NCK2: variants seen among roughly 807,000 people sequenced by gnomAD.
NCK2 encodes the protein cytoplasmic protein NCK2.
A neutral mutation model predicts 33.9 loss-of-function variants in NCK2; 16 were observed. The ratio of observed to expected loss-of-function variants is 0.47; its 90% confidence interval spans 0.32 to 0.72. NCK2 has a LOEUF of 0.72. Ranked by LOEUF, NCK2 falls within the 30% of genes least tolerant of loss-of-function variation. NCK2 has a pLI of 0.03. For missense variants in NCK2, 418 were observed against 537.3 expected (o/e 0.78, Z 2.19); for synonymous variants, 273 against 239.9 (o/e 1.14, Z -1.27).
chr2:105,831,410 C>CTTTTTTT (rs56247904), intron 2 of NCK2, among the ~76,000 whole-genome samples: 2 of 144,846 alleles, frequency 1.4e-5, no homozygotes, highest in Admixed American at 6.9e-5. Context: ...AGCATGATAT[C>CTTTTTTT]TTTTTTTTTT....
At chr2:105,880,977 G>A (rs1051624102) in intron 3 of NCK2, among the ~76,000 whole-genome samples, 3 of 122,164 alleles carry the variant, frequency 2.5e-5, no homozygotes, top group Non-Finnish European at 3.3e-5. Flanking sequence ...TTGCAGACAC[G>A]GTCTCGCTAT....
chr2:105,815,525 G>A (rs2104480514), intron 1 of NCK2, among the ~76,000 whole-genome samples: 1 of 152,288 alleles, frequency 6.6e-6, no homozygotes, highest in East Asian at 1.9e-4. Context: ...GAGTGCTCCA[G>A]GGTCCCCTCG....
At chr2:105,825,363 C>A (rs564973503) in intron 2 of NCK2, among the ~76,000 whole-genome samples, 1 of 152,186 alleles carries the variant, frequency 6.6e-6, no homozygotes, top group South Asian at 2.1e-4. Flanking sequence ...AAATCCCATT[C>A]CGTTACTAGT....
chr2:105,874,646 G>C (rs1473005724), intron 3 of NCK2, among the ~76,000 whole-genome samples: 1 of 152,192 alleles, frequency 6.6e-6, no homozygotes, highest in Non-Finnish European at 1.5e-5. Context: ...TACCAAGTTT[G>C]TTTGACGCTT....
At chr2:105,754,019 G>T (rs1004458515) in intron 1 of NCK2, among the ~76,000 whole-genome samples, 1 of 152,188 alleles carries the variant, frequency 6.6e-6, no homozygotes, top group Non-Finnish European at 1.5e-5. Context: ...TGTTAGGAGG[G>T]CCACTGGGGC....
At chr2:105,814,549 G>T (rs1463191561) in intron 1 of NCK2, among the ~76,000 whole-genome samples, 1 of 152,192 alleles carries the variant, frequency 6.6e-6, no homozygotes, top group East Asian at 1.9e-4. Context: ...GCGGGGTCTG[G>T]TAGAGAAGCT....
At chr2:105,780,340 AC>A (rs1690449726) in intron 1 of NCK2, among the ~76,000 whole-genome samples, 1 of 143,410 alleles carries the variant, frequency 7.0e-6, no homozygotes, top group African/African-American at 2.6e-5. Context: ...ACACACACAC[AC>A]ACACACACAC....
chr2:105,759,876 A>G (rs1445798498), intron 1 of NCK2, among the ~76,000 whole-genome samples: 1 of 152,034 alleles, frequency 6.6e-6, no homozygotes, highest in Non-Finnish European at 1.5e-5. Context: ...TTTCATGATT[A>G]GTGTAGAGTT....
chr2:105,790,855 G>T (rs1288545315), intron 1 of NCK2, among the ~76,000 whole-genome samples: 1 of 152,198 alleles, frequency 6.6e-6, no homozygotes, highest in Non-Finnish European at 1.5e-5. Context: ...AAGAAGGAAG[G>T]GTGTGGCAGG....
At chr2:105,758,407 G>GTTT (rs1254729110) in intron 1 of NCK2, among the ~76,000 whole-genome samples, 4 of 122,126 alleles carry the variant, frequency 3.3e-5, no homozygotes, top group African/African-American at 8.6e-5. Context: ...TGTTTTTGTT[G>GTTT]TTTTTGTTTT....
chr2:105,893,373 C>CAGCT lies in NCK2; in HGVS notation c.*198_*201dup. ...CCACACTCGAGCCCACCCGGCCGGC[C>CAGCT]AGCTTTAGAGGAGGGGAGGAGCAGG... On this transcript the variant is annotated 3_prime_UTR_variant, in exon 5 of 5. Transcript: ENST00000233154. 1 of 563,996 alleles carries CAGCT rather than the reference C, an allele frequency of 1.8e-6. No homozygotes were observed. The highest frequency in any genetic ancestry group is 1.9e-5 in the African/African-American group (1 of 53,604). 34.9% of individuals were successfully genotyped at this position (563,996 alleles called of 1,614,324 possible).
chr2:105,835,331 A>G (rs1676348278), intron 2 of NCK2, among the ~76,000 whole-genome samples: 1 of 141,124 alleles, frequency 7.1e-6, no homozygotes, highest in South Asian at 2.2e-4. Flanking sequence ...TTTGAAGGAT[A>G]GCTTTGCTGG....
intron 2 of NCK2, among the ~76,000 whole-genome samples, chr2:105,851,024 A>G (rs1052821280): frequency 2.6e-5 from 4 of 152,048 alleles, no homozygotes; most frequent in African/African-American, 9.7e-5. Context: ...AGCCTTTCCA[A>G]CCTGTGTTGG....
intron 2 of NCK2, among the ~76,000 whole-genome samples, chr2:105,844,318 A>T (rs568380885): frequency 6.6e-6 from 1 of 152,318 alleles, no homozygotes; most frequent in East Asian, 1.9e-4. Flanking sequence ...AGCTAAGGAC[A>T]TCTGAATAAA....
At chr2:105,826,237 A>G (rs898325528) in intron 2 of NCK2, among the ~76,000 whole-genome samples, 1 of 152,192 alleles carries the variant, frequency 6.6e-6, no homozygotes, top group African/African-American at 2.4e-5. Context: ...AGCGGCTTAT[A>G]AAACCATCAG....
chr2:105,822,685 C>A (rs544521833), intron 2 of NCK2, among the ~76,000 whole-genome samples: 3 of 152,148 alleles, frequency 2.0e-5, no homozygotes, highest in Admixed American at 2.0e-4. Context: ...AAAGCCAATT[C>A]TGTACCCCTC....
rs574939583 is a variant in NCK2, at chr2:105,758,413, GTT to G, written c.-201+13289_-201+13290del. Among the ~76,000 whole-genome samples the G allele has an allele frequency of 3.8e-3, 508 of 132,502 alleles. 2 individuals carry two copies. The highest frequency in any genetic ancestry group is 0.012 in the African/African-American group (440 of 35,686). The allele number at this position is 132,502 out of a possible 152,430, so 86.9% of individuals were successfully genotyped here. A position where few individuals can be genotyped will look rare whatever the true frequency, so the allele number is the denominator to read the frequency against. Reference sequence around the variant, plus strand: ...GTAGATGTTTGTTTTTGTTGTTTTTGTTTTTTTTTTTTTTTGAGACAGAGTCT... The same window carrying G: ...GTAGATGTTTGTTTTTGTTGTTTTTGTTTTTTTTTTTTTGAGACAGAGTCT... On this transcript the variant is annotated intron_variant, in intron 1 of 4. Transcript: ENST00000233154.
intron 1 of NCK2, among the ~76,000 whole-genome samples, chr2:105,800,605 C>G (rs1490807282): frequency 6.6e-6 from 1 of 152,104 alleles, no homozygotes; most frequent in African/African-American, 2.4e-5. Context: ...TCTCAAAGTT[C>G]TACTAAGGCC....
chr2:105,881,913 ACACCGGGCCCTCGTC>A lies in NCK2; in HGVS notation c.815_829del (p.Thr272_Ser276del). ...CCTGCGCACGCCCCACAGATAAGCTACACCGGGCCCTCGTCCAGCGGGCGCTTCGCGGGCAGAGAG... is the reference window on the plus strand; with the variant it reads ...CCTGCGCACGCCCCACAGATAAGCTACAGCGGGCGCTTCGCGGGCAGAGAG... On this transcript the variant is annotated inframe_deletion, in exon 4 of 5. Transcript: ENST00000233154. The A allele has an allele frequency of 6.4e-7, 1 of 1,565,470 alleles. No homozygotes were observed. Among genetic ancestry groups the A allele is most frequent in the Non-Finnish European group, 8.6e-7 (1 of 1,156,696 alleles).
Sources: allele counts gnomAD v4.1 joint callset (sites outside exome capture counted in the v4.1 genomes callset), GRCh38; gene constraint gnomAD v4.1.1; transcripts MANE v1.5; gene names NCBI Gene and HGNC (gene_info 2026-07-23, HGNC 2026-07-21).